SRGAP3: variants seen among roughly 807,000 people sequenced by gnomAD.
SRGAP3 encodes the protein SLIT-ROBO Rho GTPase activating protein 3.
In SRGAP3, 39 loss-of-function variants were observed where a neutral mutation model predicts 121.1. The ratio of observed to expected loss-of-function variants is 0.32; its 90% CI spans 0.25 to 0.42. The LOEUF (loss-of-function observed/expected upper bound fraction) is 0.42. SRGAP3 is among the 10% of genes least tolerant of loss of function. The pLI is 1.00. For missense variants in SRGAP3, 1,213 were observed against 1,470.6 expected, an observed-to-expected ratio of 0.82 and a Z score of 2.86; for synonymous variants, 601 against 570.0, an observed-to-expected ratio of 1.05 and a Z score of -0.77.
chr3:9,086,060 C>T (rs796322822), intron 3 of SRGAP3, among the ~76,000 whole-genome samples: 10 of 152,360 alleles, frequency 6.6e-5, no homozygotes, highest in African/African-American at 2.4e-4. Flanking sequence ...TGCTGCCTCA[C>T]CTGCCTTCCC....
At position 9,058,483 on chromosome 3, in the gene SRGAP3, G is replaced by A. The variant is rs781666760; in HGVS notation, c.802-11C>T. The A allele has an allele frequency of 3.7e-6, 6 of 1,613,294 alleles. No homozygotes were observed. The highest frequency in any genetic ancestry group is 5.1e-6 in the Non-Finnish European group (6 of 1,179,928). On this transcript the variant is annotated splice_polypyrimidine_tract_variant and intron_variant, in intron 6 of 21. Coordinates refer to ENST00000383836, the MANE Select transcript of SRGAP3 (RefSeq NM_014850.4). ...GCCCAAATCACAGCACTTGGGGAGAGGCAACAACGGAAGGTTATGGGTGAC... is the reference window on the plus strand; with the variant it reads ...GCCCAAATCACAGCACTTGGGGAGAAGCAACAACGGAAGGTTATGGGTGAC...
At chr3:9,273,599 T>C (rs1444783891) in intron 3 of SRGAP3, among the ~76,000 whole-genome samples, 2 of 152,204 alleles carry the variant, frequency 1.3e-5, no homozygotes, top group African/African-American at 4.8e-5. Flanking sequence ...AATTTTGATG[T>C]AGTCCGATTT....
intron 1 of SRGAP3, among the ~76,000 whole-genome samples, chr3:9,126,346 T>C (rs758492062): frequency 2.0e-5 from 3 of 152,334 alleles, no homozygotes; most frequent in Non-Finnish European, 2.9e-5. Context: ...AAAATGTTCA[T>C]GTTGGCCAGG....
intron 2 of SRGAP3, chr3:9,326,254 T>C (rs1422133746): frequency 1.3e-5 from 2 of 151,908 alleles, no homozygotes; most frequent in Non-Finnish European, 2.9e-5. Context: ...TAATCTACTG[T>C]TATAACAACA....
At position 8,982,841 on chromosome 3, in the gene SRGAP3, GAAA is replaced by G. The variant is rs76957770; in HGVS notation, c.*2675_*2677del. On this transcript the variant is annotated 3_prime_UTR_variant, in exon 22 of 22. Coordinates refer to ENST00000383836, the MANE Select transcript of SRGAP3 (RefSeq NM_014850.4). Reference sequence around the variant, plus strand: ...TGAACTCATCAGCCATTTCCCAATGGAAAAAAAAAAAAAAGGTGCTTAAAGAAA... The same window carrying G: ...TGAACTCATCAGCCATTTCCCAATGGAAAAAAAAAAAGGTGCTTAAAGAAA... 114 of 198,914 alleles carry G rather than the reference GAAA, an allele frequency of 5.7e-4. No homozygotes were observed. Among genetic ancestry groups the G allele is most frequent in the Middle Eastern group, 1.5e-3 (1 of 650 alleles). 12.3% of individuals were successfully genotyped at this position (198,914 alleles called of 1,614,324 possible).
intron 2 of SRGAP3, among the ~76,000 whole-genome samples, chr3:9,123,405 T>TATATATATATAC (rs1949095774): frequency 5.7e-4 from 1 of 1,750 alleles, no homozygotes; most frequent in African/African-American, 9.4e-4. Flanking sequence ...ACAATACACA[T>TATATATATATAC]ACATACACAT....
intron 2 of SRGAP3, among the ~76,000 whole-genome samples, chr3:9,114,736 G>A (rs1388643860): frequency 6.6e-6 from 1 of 152,210 alleles, no homozygotes; most frequent in Non-Finnish European, 1.5e-5. Flanking sequence ...TGGTTTATCT[G>A]CCCACAGAAT....
chr3:9,328,769 G>T (rs1227077433), intron 2 of SRGAP3, among the ~76,000 whole-genome samples: 1 of 152,198 alleles, frequency 6.6e-6, no homozygotes, highest in Non-Finnish European at 1.5e-5. Flanking sequence ...CAGAACCTTA[G>T]CTACCGAGCT....
Position 9,056,292 on chromosome 3 carries a change from G to A in SRGAP3, c.1066C>T (p.Leu356Phe). 6.2e-7 allele frequency: 1 copy of A among 1,613,922 alleles called. No homozygotes were observed. Among genetic ancestry groups the A allele is most frequent in the Non-Finnish European group, 8.5e-7 (1 of 1,180,002 alleles). Residue 356 changes from leucine to phenylalanine, a missense_variant, in exon 8 of 22, where the codon CTC becomes TTC. Coordinates refer to ENST00000383836, the MANE Select transcript of SRGAP3 (RefSeq NM_014850.4). ...SAQQPVQTEL[L>F]MRYHQLQSRL... Reference sequence around the variant, plus strand: ...GACTGCAGCTGGTGATAACGCATGAGCAGTTCTGTCTGGACGGGCTGCTGA... The same window carrying A: ...GACTGCAGCTGGTGATAACGCATGAACAGTTCTGTCTGGACGGGCTGCTGA...
chr3:9,111,548 C>G (rs1948623625), intron 2 of SRGAP3, among the ~76,000 whole-genome samples: 1 of 152,146 alleles, frequency 6.6e-6, no homozygotes, highest in African/African-American at 2.4e-5. Context: ...CCTGCAGGGT[C>G]TCACACACTC....
chr3:8,995,320 T>G (rs1942327244), intron 18 of SRGAP3, among the ~76,000 whole-genome samples: 1 of 151,864 alleles, frequency 6.6e-6, no homozygotes, highest in Admixed American at 6.6e-5. Context: ...AAAAAATTTT[T>G]TTTTAATTAG....
At position 9,042,438 on chromosome 3, in the gene SRGAP3, G is replaced by GAA. The variant is rs3070001; in HGVS notation, c.1409-4350_1409-4349dup. ...GAAAGAATCGAGCATTTTATTTACA[G>GAA]AAAAAAAAAAAAAAGGCAGAATAGG... On this transcript the variant is annotated intron_variant, in intron 10 of 21. Coordinates refer to ENST00000383836, the MANE Select transcript of SRGAP3 (RefSeq NM_014850.4). Among the ~76,000 whole-genome samples, 570 of 132,776 alleles carry GAA rather than the reference G, an allele frequency of 4.3e-3. 4 individuals carry two copies. The highest frequency in any genetic ancestry group is 0.014 in the African/African-American group (526 of 37,500). The allele number at this position is 132,776 out of a possible 152,430, so 87.1% of individuals were successfully genotyped here. A position where few individuals can be genotyped will look rare whatever the true frequency, so the allele number is the denominator to read the frequency against.
intron 9 of SRGAP3, among the ~76,000 whole-genome samples, chr3:9,051,338 T>TTTGGCC (rs1574981354): frequency 6.6e-6 from 1 of 152,244 alleles, no homozygotes; most frequent in Non-Finnish European, 1.5e-5. Context: ...CAACTCTGTC[T>TTTGGCC]TTGGCCTTGG....
At chr3:9,051,419 A>C (rs1945571573) in intron 9 of SRGAP3, among the ~76,000 whole-genome samples, 1 of 152,182 alleles carries the variant, frequency 6.6e-6, no homozygotes, top group Non-Finnish European at 1.5e-5. Flanking sequence ...TGCAGGTGAC[A>C]CAGGTTTGAG....
intron 1 of SRGAP3, among the ~76,000 whole-genome samples, chr3:9,200,617 C>T (rs1242236263): frequency 6.6e-6 from 1 of 152,154 alleles, no homozygotes; most frequent in East Asian, 1.9e-4. Context: ...TGAGTAGTTT[C>T]CCAGGCAAAG....
At chr3:8,995,836 T>C (rs1942366730) in intron 18 of SRGAP3, among the ~76,000 whole-genome samples, 1 of 152,148 alleles carries the variant, frequency 6.6e-6, no homozygotes, top group Non-Finnish European at 1.5e-5. Context: ...CACAAAGAGG[T>C]TTAACATTAT....
chr3:9,123,252 G>A (rs1323379662), intron 2 of SRGAP3, among the ~76,000 whole-genome samples: 1 of 152,256 alleles, frequency 6.6e-6, no homozygotes, highest in Non-Finnish European at 1.5e-5. Context: ...AAAAGCACTG[G>A]AGTTGGATGG....
intron 1 of SRGAP3, among the ~76,000 whole-genome samples, chr3:9,147,755 C>T (rs939353618): frequency 6.6e-6 from 1 of 152,190 alleles, no homozygotes; most frequent in African/African-American, 2.4e-5. Flanking sequence ...TGTTTCCACA[C>T]AGCCGTCCAG....
At chr3:9,113,381 C>T (rs891565978) in intron 2 of SRGAP3, among the ~76,000 whole-genome samples, 5 of 152,176 alleles carry the variant, frequency 3.3e-5, no homozygotes, top group Non-Finnish European at 5.9e-5. Flanking sequence ...TCTTTGCCTT[C>T]ACCTTTCCAA....
Sources: gnomAD v4.1 joint callset for allele counts (sites outside exome capture counted in the v4.1 genomes callset) on GRCh38, gnomAD v4.1.1 for gene constraint, MANE v1.5 for transcripts, NCBI Gene and HGNC (gene_info 2026-07-23, HGNC 2026-07-21) for gene names.